The following SPG21 variants were observed in gnomAD, a reference collection of about 807,000 sequenced individuals.
SPG21 encodes SPG21 abhydrolase domain containing, maspardin, also known as maspardin.
Under a neutral mutation model 38.9 loss-of-function variants are expected in SPG21, and 26 were observed. The ratio of observed to expected loss-of-function variants is 0.67; its 90% CI spans 0.49 to 0.93. The LOEUF is 0.93. Ranked by LOEUF, SPG21 falls within the 40% of genes least tolerant of loss-of-function variation. The pLI, the probability that SPG21 is intolerant of heterozygous loss-of-function variation, is 0.00. For synonymous variants in SPG21, 136 were observed against 128.9 expected, an observed-to-expected ratio of 1.05 and a Z score of -0.37; for missense variants, 333 against 376.5, an observed-to-expected ratio of 0.88 and a Z score of 0.96.
chr15:64,970,247 T>C, intron 5 of SPG21, 25 bp from the exon 6 acceptor site: 1 of 1,567,910 alleles, frequency 6.4e-7, no homozygotes, highest in Non-Finnish European at 8.8e-7. Context: ...GACCTTATAA[T>C]TTAAACTTCC....
At chr15:64,968,196 C>T (rs1056465997) in intron 7 of SPG21, among the ~76,000 whole-genome samples, 11 of 151,866 alleles carry the variant, frequency 7.2e-5, no homozygotes, top group Admixed American at 6.6e-4. Flanking sequence ...AAAAATTAGC[C>T]GAACGTAGTG....
At chr15:64,980,669 C>G (rs1405072630) in intron 3 of SPG21, among the ~76,000 whole-genome samples, 195 bp downstream of exon 3, 1 of 151,908 alleles carries the variant, frequency 6.6e-6, no homozygotes, top group Non-Finnish European at 1.5e-5. Context: ...ACCCGGGAGA[C>G]GGAGGTTGCA....
chr15:64,974,585 A>C lies in SPG21; in HGVS notation c.452+17T>G. Reference sequence around the variant, plus strand: ...TTTCAAAATTTCACTGAACAAAAAAAGTAATTTTGTTCTTACCTGTTTGCA... The same window carrying C: ...TTTCAAAATTTCACTGAACAAAAAACGTAATTTTGTTCTTACCTGTTTGCA... On this transcript the variant is annotated intron_variant, in intron 5 of 8. Coordinates refer to ENST00000204566, the MANE Select transcript of SPG21 (RefSeq NM_016630.7). 1 of 1,614,158 alleles carries C rather than the reference A, an allele frequency of 6.2e-7. No individual in the cohort carries two copies. The highest frequency in any genetic ancestry group is 1.1e-5 in the South Asian group (1 of 91,084).
intron 5 of SPG21, among the ~76,000 whole-genome samples, chr15:64,972,700 C>T (rs1052924433): frequency 6.6e-6 from 1 of 152,084 alleles, no homozygotes; most frequent in Non-Finnish European, 1.5e-5. Context: ...GGCATGGTGG[C>T]GGGCGCCTGT....
intron 8 of SPG21, among the ~76,000 whole-genome samples, chr15:64,964,370 G>C (rs1434472395): frequency 6.6e-6 from 1 of 152,122 alleles, no homozygotes; most frequent in African/African-American, 2.4e-5. Flanking sequence ...CTGCTACTGT[G>C]ACTAGTGCTG....
intron 2 of SPG21, 198 bp from the exon 3 acceptor site, chr15:64,981,223 G>T: frequency 1.7e-6 from 1 of 571,862 alleles, no homozygotes; most frequent in Non-Finnish European, 3.1e-6. Context: ...GTATTCCACA[G>T]AACTACTTAG....
intron 4 of SPG21, among the ~76,000 whole-genome samples, chr15:64,975,254 C>T (rs2085751732): frequency 6.7e-6 from 1 of 148,958 alleles, no homozygotes; most frequent in South Asian, 2.1e-4. Context: ...CACCACTGCA[C>T]TCCAGCCTGG....
rs768055884 is a variant in SPG21, at chr15:64,974,630, T to C, written c.424A>G (p.Ile142Val). 5 of 1,614,194 alleles carry C rather than the reference T, an allele frequency of 3.1e-6. No individual in the cohort carries two copies. Among genetic ancestry groups the C allele is most frequent in the East Asian group, 2.2e-5 (1 of 44,878 alleles). The stretch of plus-strand genomic sequence containing the variant: ...TTTGCAGTCCAAGTTTGGTTGAAGA[T>C]AGAGGTGTCACTGAAGGAATTGCAG... ...ILCNSFSDTS[I>V]FNQTWTANSF... is the part of the protein sequence containing the mutation. Residue 142 changes from isoleucine (I) to valine (V), a missense_variant, in exon 5 of 9, where the codon ATC (isoleucine) becomes GTC (valine). Transcript: ENST00000204566.
intron 5 of SPG21, among the ~76,000 whole-genome samples, chr15:64,972,949 T>C (rs1265638496): frequency 6.6e-6 from 1 of 152,218 alleles, no homozygotes; most frequent in South Asian, 2.1e-4. Flanking sequence ...ACACTGATCA[T>C]ACAGATGTGT....
chr15:64,986,022 T>C (rs2085986113), intron 1 of SPG21, among the ~76,000 whole-genome samples: 1 of 152,216 alleles, frequency 6.6e-6, no homozygotes, highest in South Asian at 2.1e-4. Flanking sequence ...TGTGCACAGA[T>C]ATATATAGTG....
chr15:64,968,820 G>C (rs1186640830), intron 7 of SPG21, among the ~76,000 whole-genome samples: 1 of 152,078 alleles, frequency 6.6e-6, no homozygotes, highest in African/African-American at 2.4e-5. Context: ...TGCAATATAT[G>C]GTGCAATATC....
In SPG21 at chr15:64,974,685, G is replaced by C. The variant is rs763641808; in HGVS notation, c.369C>G (p.His123Gln). The C allele has an allele frequency of 2.5e-6, 4 of 1,614,180 alleles. No individual in the cohort carries two copies. Among genetic ancestry groups the C allele is most frequent in the Non-Finnish European group, 3.4e-6 (4 of 1,180,030 alleles). Residue 123 changes from histidine (H) to glutamine (Q), a missense_variant, in exon 5 of 9, where the codon CAC (histidine) becomes CAG (glutamine). His to Gln is a conservative substitution (Grantham distance 24). Coordinates refer to ENST00000204566, the MANE Select transcript of SPG21 (RefSeq NM_016630.7). ...FLAQKFAEYT[H>Q]KSPRVHSLIL... The stretch of plus-strand genomic sequence containing the variant: ...TTAGGGAATGGACTCTAGGAGATTT[G>C]TGAGTGTATTCAGCAAATTTCTGGG...
chr15:64,978,689 ATT>A (rs1158327003), intron 3 of SPG21, among the ~76,000 whole-genome samples: 1 of 152,208 alleles, frequency 6.6e-6, no homozygotes, highest in African/African-American at 2.4e-5. Flanking sequence ...AAGTTTGAGA[ATT>A]TGAGTCAGAT....
rs148074331 is a variant in SPG21, at chr15:64,984,511, G to A, written c.-24-918C>T. Among the ~76,000 whole-genome samples, 14 of 152,118 alleles carry A rather than the reference G, an allele frequency of 9.2e-5. No individual in the cohort carries two copies. In the East Asian group the frequency reaches 1.4e-3, roughly 15 times the overall value. ...TGAGACAATGGGCACACACCACCAC[G>A]TCAGGTGAATTTTTTGGTTTTGTAG... On this transcript the variant is annotated intron_variant, in intron 1 of 8. Transcript: ENST00000204566.
In SPG21 at chr15:64,989,912, C is replaced by T. The variant is rs2086084467; in HGVS notation, c.-272G>A. ...ACCGCCGCTCAGCTGGCGCGAGACT[C>T]CCGCTTCCGGGTTCTCAGAGGGCGG... is the stretch of plus-strand genomic sequence containing the variant. On this transcript the variant is annotated 5_prime_UTR_variant, in exon 1 of 9. Coordinates refer to ENST00000204566, the MANE Select transcript of SPG21 (RefSeq NM_016630.7). 6.9e-6 allele frequency: 1 copy of T among 144,818 alleles called. No individual in the cohort carries two copies. The highest frequency in any genetic ancestry group is 1.5e-5 in the Non-Finnish European group (1 of 67,996). 9.0% of individuals were successfully genotyped at this position (144,818 alleles called of 1,614,324 possible).
rs2085487027 is a variant in SPG21 at position 64,963,496 on chromosome 15, C to T, written c.*124G>A. 2 of 761,290 alleles carry T rather than the reference C, an allele frequency of 2.6e-6. No individual in the cohort carries two copies. Among genetic ancestry groups the T allele is most frequent in the Middle Eastern group, 3.7e-4 (1 of 2,698 alleles). The allele number at this position is 761,290 out of a possible 1,614,324, so 47.2% of individuals were successfully genotyped here. ...ATGAAGATGACCATCAGTCCTACTT[C>T]CCAGACACAGTGAGAACCGGTGAGC... is the stretch of plus-strand genomic sequence containing the variant. On this transcript the variant is annotated 3_prime_UTR_variant, in exon 9 of 9. Transcript: ENST00000204566.
In SPG21 at chr15:64,980,856, ATACT is replaced by A; in HGVS notation, c.225+4_225+7del. 1 of 1,614,026 alleles carries A rather than the reference ATACT, an allele frequency of 6.2e-7. No individual in the cohort carries two copies. The highest frequency in any genetic ancestry group is 1.7e-5 in the Admixed American group (1 of 60,006). On this transcript the variant is annotated splice_donor_5th_base_variant and intron_variant, in intron 3 of 8. Transcript: ENST00000204566. The stretch of plus-strand genomic sequence containing the variant: ...ACGTGGGTCTGAATTTTAATCAGTA[ATACT>A]TACAGCGATAACCCGGTAACCCCAT...
intron 4 of SPG21, among the ~76,000 whole-genome samples, chr15:64,976,240 C>A (rs1253465063): frequency 6.6e-6 from 1 of 151,554 alleles, no homozygotes; most frequent in Non-Finnish European, 1.5e-5. Flanking sequence ...GCCTGGCCAA[C>A]CTGGCGAAAC....
rs2085742700 is a variant in SPG21 at position 64,974,700 on chromosome 15, A to C, written c.354T>G (p.Phe118Leu). ...ASLGGFLAQK[F>L]AEYTHKSPRV... ...TAGGAGATTTGTGAGTGTATTCAGC[A>C]AATTTCTGGGCCAAAAAGCCTCCCA... The change falls in exon 5 of 9, where the codon TTT becomes TTG. Residue 118 changes from phenylalanine to leucine, a missense_variant. By Grantham distance (22) the Phe-to-Leu change is conservative. Transcript: ENST00000204566. 1 of 1,614,078 alleles carries C rather than the reference A, an allele frequency of 6.2e-7. No individual in the cohort carries two copies. The highest frequency in any genetic ancestry group is 1.3e-5 in the African/African-American group (1 of 74,932).
Sources: gnomAD v4.1 joint callset for allele counts (sites outside exome capture counted in the v4.1 genomes callset) on GRCh38, gnomAD v4.1.1 for gene constraint, MANE v1.5 for transcripts, NCBI Gene and HGNC (gene_info 2026-07-23, HGNC 2026-07-21) for gene names.